The following RDH12 variants were observed in gnomAD, a reference collection of about 807,000 sequenced individuals.
RDH12 encodes all-trans and 9-cis retinol dehydrogenase.
In RDH12, 21 loss-of-function variants were observed where a neutral mutation model predicts 34.0. The observed-to-expected ratio is 0.62, with a 90% CI of 0.44 to 0.89. The LOEUF (loss-of-function observed/expected upper bound fraction) is 0.89, where lower values mean the gene tolerates loss of function less well. Among genes scored for constraint, RDH12 ranks in the 40% least tolerant of loss-of-function variants. RDH12 has a pLI of 0.00. For synonymous variants in RDH12, 198 were observed against 169.9 expected (o/e 1.17, Z -1.29); for missense variants, 394 against 398.6 (o/e 0.99, Z 0.10).
chr14:67,728,576 TCATAA>T (rs2140148789), intron 7 of RDH12, among the ~76,000 whole-genome samples: 1 of 152,260 alleles, frequency 6.6e-6, no homozygotes, highest in African/African-American at 2.4e-5. Flanking sequence ...TAAATGGGTA[TCATAA>T]CATAATATTC....
At chr14:67,727,561 C>T (rs1013295362) in intron 7 of RDH12, 2 of 287,578 alleles carry the variant, frequency 7.0e-6, no homozygotes, top group African/African-American at 2.3e-5. Flanking sequence ...TGGCTCACTG[C>T]GACCTCTGCC....
intron 1 of RDH12, among the ~76,000 whole-genome samples, chr14:67,713,022 G>A (rs2038027375): frequency 6.6e-6 from 1 of 151,538 alleles, no homozygotes; most frequent in African/African-American, 2.4e-5. Context: ...TGATCAAGTT[G>A]GATAGAATTG....
At chr14:67,725,877 T>A (rs1438326868) in intron 5 of RDH12, among the ~76,000 whole-genome samples, 174 bp from the exon 6 acceptor site, 5 of 152,190 alleles carry the variant, frequency 3.3e-5, no homozygotes, top group Non-Finnish European at 7.3e-5. Flanking sequence ...AGTTATTGAG[T>A]GCTGAGGCAA....
At chr14:67,729,844 T>G (rs775623556) in intron 8 of RDH12, 1 of 462,526 alleles carries the variant, frequency 2.2e-6, no homozygotes, top group Middle Eastern at 3.3e-4. Flanking sequence ...AAGTAGAAAT[T>G]TTAGTGCTGA....
chr14:67,711,211 C>A (rs2038005692), intron 1 of RDH12, among the ~76,000 whole-genome samples: 2 of 152,162 alleles, frequency 1.3e-5, no homozygotes, highest in African/African-American at 4.8e-5. Context: ...AAACCAATAT[C>A]AATGTCTTAT....
chr14:67,724,928 G>T (rs988516468), intron 4 of RDH12, among the ~76,000 whole-genome samples, 171 bp from the exon 5 acceptor site: 2 of 152,200 alleles, frequency 1.3e-5, no homozygotes, highest in Non-Finnish European at 2.9e-5. Flanking sequence ...CTGACAGCAA[G>T]AAGACTGAAC....
At chr14:67,729,763 A>G (rs1315109215) in intron 8 of RDH12, 4 of 505,348 alleles carry the variant, frequency 7.9e-6, no homozygotes, top group Non-Finnish European at 1.6e-5. Context: ...TGCTAGGGGA[A>G]CGTCCTCTCT....
At position 67,734,023 on chromosome 14, in the gene RDH12, C is replaced by A. The variant is rs962087400; in HGVS notation, c.*175C>A. The A allele has an allele frequency of 5.3e-6, 3 of 568,662 alleles. No homozygotes were observed. The highest frequency in any genetic ancestry group is 2.3e-5 in the Admixed American group (1 of 44,372). The allele number at this position is 568,662 out of a possible 1,614,324, so 35.2% of individuals were successfully genotyped here. A position where few individuals can be genotyped will look rare whatever the true frequency, so the allele number is the denominator to read the frequency against. On this transcript the variant is annotated 3_prime_UTR_variant, in exon 9 of 9. Transcript: ENST00000551171. The stretch of plus-strand genomic sequence containing the variant: ...TTGCACACCTGACACTCTTGTGAGA[C>A]TGGCTTATGGCATGAGTTGTGGACA...
At position 67,704,269 on chromosome 14, in the gene RDH12, G is replaced by C. The variant is rs557996766; in HGVS notation, c.-275+2334G>C. Among the ~76,000 whole-genome samples, 46 of 152,104 alleles carry C rather than the reference G, an allele frequency of 3.0e-4. 2 individuals carry two copies. In the South Asian group the frequency reaches 9.3e-3, roughly 31 times the overall value. ...GTAGAAGGAGGAGGAGCAGCTAGAG[G>C]CAAAAAGGAGAAAGCCTCCTAAATC... On this transcript the variant is annotated intron_variant, in intron 1 of 8. Transcript: ENST00000551171.
At chr14:67,704,653 G>A (rs2037933184) in intron 1 of RDH12, among the ~76,000 whole-genome samples, 1 of 152,156 alleles carries the variant, frequency 6.6e-6, no homozygotes, top group Admixed American at 6.5e-5. Context: ...TAGAGTAAGA[G>A]TGCCCTCATG....
At chr14:67,709,654 T>G (rs1041676823) in intron 1 of RDH12, among the ~76,000 whole-genome samples, 7 of 152,218 alleles carry the variant, frequency 4.6e-5, no homozygotes, top group Non-Finnish European at 8.8e-5. Flanking sequence ...AGCTTTAATT[T>G]CTGGCCCTGT....
intron 1 of RDH12, among the ~76,000 whole-genome samples, chr14:67,707,174 G>A (rs955110719): frequency 9.2e-5 from 14 of 152,002 alleles, no homozygotes; most frequent in African/African-American, 3.4e-4. Context: ...GAAAAATGGG[G>A]AAAAAAGAAG....
chr14:67,709,056 G>T (rs1380151501), intron 1 of RDH12, among the ~76,000 whole-genome samples: 1 of 152,158 alleles, frequency 6.6e-6, no homozygotes, highest in Non-Finnish European at 1.5e-5. Flanking sequence ...TTCCCAAAGT[G>T]CTGGGATTAC....
At chr14:67,732,012 A>G (rs1030563772) in intron 8 of RDH12, among the ~76,000 whole-genome samples, 1 of 151,660 alleles carries the variant, frequency 6.6e-6, no homozygotes, top group Non-Finnish European at 1.5e-5. Flanking sequence ...CTGTAATCCC[A>G]GCCACTCAGG....
intron 2 of RDH12, among the ~76,000 whole-genome samples, chr14:67,721,139 A>G (rs763752741): frequency 6.6e-6 from 1 of 152,184 alleles, no homozygotes; most frequent in Admixed American, 6.5e-5. Context: ...GAAGTCTTTC[A>G]TGCATGGGTG....
At position 67,727,090 on chromosome 14, in the gene RDH12, C is replaced by T. The variant is rs116465785; in HGVS notation, c.558C>T (p.His186=). 2.3e-5 allele frequency: 37 copies of T among 1,614,204 alleles called. No individual in the cohort carries two copies. In the Middle Eastern group the frequency reaches 8.3e-4, roughly 36 times the overall value. Residue 186 remains histidine, a synonymous_variant, in exon 7 of 9, where the codon CAC becomes CAT. Transcript: ENST00000551171. Reference sequence around the variant, plus strand: ...ACCACATTGGCAAGATTCCCTTCCACGACCTCCAGAGCGAGAAGCGCTACA... The same window carrying T: ...ACCACATTGGCAAGATTCCCTTCCATGACCTCCAGAGCGAGAAGCGCTACA... ...VAHHIGKIPF[H]DLQSEKRYSR... is the part of the protein sequence containing the mutation.
At chr14:67,722,838 G>A (rs2140138394) in intron 3 of RDH12, 128 bp downstream of exon 3, 2 of 830,266 alleles carry the variant, frequency 2.4e-6, no homozygotes, top group East Asian at 5.1e-5. Context: ...GGAAAAGCAG[G>A]AAGGAAGGGG....
chr14:67,719,201 A>G (rs1291495963), intron 1 of RDH12, among the ~76,000 whole-genome samples: 1 of 152,252 alleles, frequency 6.6e-6, no homozygotes. Context: ...TTTATGCACA[A>G]GACAATCAGT....
chr14:67,719,304 A>T (rs2038098845), intron 1 of RDH12, among the ~76,000 whole-genome samples: 1 of 152,202 alleles, frequency 6.6e-6, no homozygotes. Context: ...TAATAAATAC[A>T]TAGTTTGAGG....
Sources: allele counts gnomAD v4.1 joint callset (sites outside exome capture counted in the v4.1 genomes callset), GRCh38; gene constraint gnomAD v4.1.1; transcripts MANE v1.5; gene names NCBI Gene and HGNC (gene_info 2026-07-23, HGNC 2026-07-21).